LRP12: variants seen among roughly 807,000 people sequenced by gnomAD.
LRP12 encodes the protein LDL receptor related protein 12, also known as low-density lipoprotein receptor-related protein 12.
Under a neutral mutation model 66.0 loss-of-function variants are expected in LRP12, and 14 were observed. The ratio of observed to expected loss-of-function variants is 0.21; its 90% CI spans 0.14 to 0.33. LRP12 has a LOEUF of 0.33. LRP12 is among the 10% of genes least tolerant of loss of function. The probability of loss-of-function intolerance (pLI) is 1.00; values close to 1 mark genes in which losing one functional copy is unlikely to be tolerated. For synonymous variants in LRP12, 357 were observed against 359.1 expected (o/e 0.99, Z 0.07); for missense variants, 889 against 1,053.4 (o/e 0.84, Z 2.16).
At chr8:104,492,484 T>G (rs1810651446) in intron 6 of LRP12, among the ~76,000 whole-genome samples, 1 of 152,158 alleles carries the variant, frequency 6.6e-6, no homozygotes, top group Non-Finnish European at 1.5e-5. Flanking sequence ...TTAAAAATTG[T>G]ATTTCCAGGA....
At chr8:104,585,658 G>C (rs1812317670) in intron 1 of LRP12, among the ~76,000 whole-genome samples, 1 of 152,262 alleles carries the variant, frequency 6.6e-6, no homozygotes, top group Admixed American at 6.5e-5. Context: ...GAAAGAGGAG[G>C]AATAAATAGA....
chr8:104,571,917 G>A (rs1183961414), intron 1 of LRP12, among the ~76,000 whole-genome samples: 1 of 152,198 alleles, frequency 6.6e-6, no homozygotes, highest in East Asian at 1.9e-4. Context: ...TGTCAGAAAG[G>A]CTGGGGACCA....
At chr8:104,493,978 G>T (rs1810680743) in intron 6 of LRP12, among the ~76,000 whole-genome samples, 1 of 152,172 alleles carries the variant, frequency 6.6e-6, no homozygotes, top group Non-Finnish European at 1.5e-5. Context: ...TTTTTTGAGT[G>T]TTCCTAGTAA....
intron 3 of LRP12, among the ~76,000 whole-genome samples, chr8:104,501,551 A>C (rs1810828034): frequency 6.6e-6 from 1 of 152,014 alleles, no homozygotes; most frequent in Admixed American, 6.5e-5. Context: ...TGAAAATACA[A>C]AAATTAGCTG....
chr8:104,552,935 G>T (rs553407432), intron 1 of LRP12, among the ~76,000 whole-genome samples: 2 of 152,294 alleles, frequency 1.3e-5, no homozygotes, highest in African/African-American at 4.8e-5. Context: ...AGTGTGAGGG[G>T]GGAACGTTTG....
intron 2 of LRP12, among the ~76,000 whole-genome samples, chr8:104,511,403 T>A (rs1810994972): frequency 6.6e-6 from 1 of 151,792 alleles, no homozygotes; most frequent in South Asian, 2.1e-4. Flanking sequence ...CAGTGGCTAT[T>A]CACAGGCACT....
rs1037189392 is a variant in LRP12, at chr8:104,588,956, G to A, written c.-59C>T. On this transcript the variant is annotated 5_prime_UTR_variant, in exon 1 of 7. Coordinates refer to ENST00000276654, the MANE Select transcript of LRP12 (RefSeq NM_013437.5). ...GGAGGAGGAGGGAGGAGAAGCTGGA[G>A]GTAGACGACGCCGACGCCGCCGCCG... 15 of 1,154,798 alleles carry A rather than the reference G, an allele frequency of 1.3e-5. No individual in the cohort carries two copies. The East Asian group carries it at 1.7e-4, about 13-fold the overall frequency. The allele number at this position is 1,154,798 out of a possible 1,614,324, so 71.5% of individuals were successfully genotyped here.
chr8:104,500,937 A>T (rs1426531745), intron 3 of LRP12, among the ~76,000 whole-genome samples: 1 of 152,210 alleles, frequency 6.6e-6, no homozygotes, highest in Non-Finnish European at 1.5e-5. Context: ...TAGCAAAATG[A>T]CATATTCTAT....
At chr8:104,526,040 GACAA>G (rs1449334159) in intron 2 of LRP12, among the ~76,000 whole-genome samples, 1 of 152,056 alleles carries the variant, frequency 6.6e-6, no homozygotes, top group Non-Finnish European at 1.5e-5. Context: ...ACCAATAACA[GACAA>G]ACAGAGAGCC....
intron 1 of LRP12, among the ~76,000 whole-genome samples, chr8:104,551,171 T>C (rs1474877620): frequency 6.6e-6 from 1 of 152,170 alleles, no homozygotes; most frequent in Non-Finnish European, 1.5e-5. Flanking sequence ...GATGTACCCT[T>C]TGCATGGAAA....
chr8:104,524,193 G>C (rs1811193420), intron 2 of LRP12, among the ~76,000 whole-genome samples: 1 of 138,802 alleles, frequency 7.2e-6, no homozygotes, highest in Admixed American at 7.9e-5. Flanking sequence ...AGTGGGCTGA[G>C]ATCATGCCGC....
At chr8:104,499,267 A>G in intron 4 of LRP12, 50 bp downstream of exon 4, 3 of 1,392,286 alleles carry the variant, frequency 2.2e-6, no homozygotes, top group Non-Finnish European at 3.0e-6. Context: ...GTGACAGAGC[A>G]GTTAATACCA....
At chr8:104,556,874 A>G (rs774495995) in intron 1 of LRP12, among the ~76,000 whole-genome samples, 8 of 152,200 alleles carry the variant, frequency 5.3e-5, no homozygotes, top group Non-Finnish European at 8.8e-5. Flanking sequence ...ACAAAATACC[A>G]GCTAACCAAA....
At chr8:104,511,544 C>T (rs568062173) in intron 2 of LRP12, among the ~76,000 whole-genome samples, 28 of 151,770 alleles carry the variant, frequency 1.8e-4, no homozygotes, top group South Asian at 1.3e-3. Context: ...TTTTGTTTTC[C>T]GTAACAGGGG....
Position 104,549,414 on chromosome 8 carries a change from T to C in LRP12, c.80-17451A>G, listed in dbSNP as rs573784497. Among the ~76,000 whole-genome samples the C allele has an allele frequency of 4.0e-5, 6 of 148,950 alleles. No individual in the cohort carries two copies. In the South Asian group the frequency reaches 1.3e-3, roughly 32 times the overall value. ...CTCTGAATCCACTTTTTTTTTTTTT[T>C]TTTTTTGAGACAGAGTCTTGCTCTG... On this transcript the variant is annotated intron_variant, in intron 1 of 6. Transcript: ENST00000276654.
In LRP12 at chr8:104,588,964, A is replaced by ACACCGACGC. The variant is rs1554712970; in HGVS notation, c.-68_-67insGCGTCGGTG. ...AGGGAGGAGAAGCTGGAGGTAGACG[A>ACACCGACGC]CGCCGACGCCGCCGCCGCCGCCGCC... On this transcript the variant is annotated 5_prime_UTR_variant, in exon 1 of 7. Transcript: ENST00000276654. 8 of 905,914 alleles carry ACACCGACGC rather than the reference A, an allele frequency of 8.8e-6. No individual in the cohort carries two copies. The African/African-American group carries it at 2.2e-4, about 25-fold the overall frequency. 56.1% of individuals were successfully genotyped at this position (905,914 alleles called of 1,614,324 possible).
At chr8:104,514,243 G>A (rs959553309) in intron 2 of LRP12, among the ~76,000 whole-genome samples, 4 of 151,972 alleles carry the variant, frequency 2.6e-5, no homozygotes, top group Non-Finnish European at 5.9e-5. Flanking sequence ...CATTATTTCA[G>A]TGCTTTATAA....
Position 104,499,037 on chromosome 8 carries a change from T to C in LRP12, c.475+280A>G, listed in dbSNP as rs78692573. ...TAACTTTCTGGATATGCGTAAGCAC[T>C]TGAGGGAGAAAAGGCTATTCTTAGA... is the stretch of plus-strand genomic sequence containing the variant. On this transcript the variant is annotated intron_variant, in intron 4 of 6. Coordinates refer to ENST00000276654, the MANE Select transcript of LRP12 (RefSeq NM_013437.5). 0.024 allele frequency among the ~76,000 whole-genome samples: 3,640 copies of C among 152,298 alleles called. 108 individuals are homozygous for C. Among genetic ancestry groups the C allele is most frequent in the African/African-American group, 0.065 (2,712 of 41,566 alleles).
intron 2 of LRP12, among the ~76,000 whole-genome samples, chr8:104,525,344 A>T (rs1054611397): frequency 4.6e-5 from 7 of 152,178 alleles, no homozygotes; most frequent in African/African-American, 1.4e-4. Flanking sequence ...TTTAACTACA[A>T]TTTCTTATGC....
Sources: gnomAD v4.1 joint callset for allele counts (sites outside exome capture counted in the v4.1 genomes callset) on GRCh38, gnomAD v4.1.1 for gene constraint, MANE v1.5 for transcripts, NCBI Gene and HGNC (gene_info 2026-07-23, HGNC 2026-07-21) for gene names.